Variants in GLIS3 observed in about 807,000 individuals in gnomAD.
GLIS3 encodes the protein GLIS family zinc finger 3.
Under a neutral mutation model 78.6 loss-of-function variants are expected in GLIS3, and 53 were observed. The observed-to-expected ratio is 0.67, with a 90% CI of 0.54 to 0.85. The LOEUF (loss-of-function observed/expected upper bound fraction) is 0.85. Ranked by LOEUF, GLIS3 falls within the 40% of genes least tolerant of loss-of-function variation. GLIS3 has a pLI of 0.00. For synonymous variants in GLIS3, 684 were observed against 509.9 expected (o/e 1.34, Z -4.60); for missense variants, 1,703 against 1,231.1 (o/e 1.38, Z -5.74).
intron 8 of GLIS3, among the ~76,000 whole-genome samples, chr9:3,874,804 G>GT (rs909358748): frequency 3.4e-4 from 52 of 152,136 alleles, no homozygotes; most frequent in Non-Finnish European, 5.0e-4. Flanking sequence ...AAAACACTTT[G>GT]TTTTTTTTCC....
chr9:4,161,036 G>T (rs1056925354), intron 2 of GLIS3, among the ~76,000 whole-genome samples: 3 of 148,098 alleles, frequency 2.0e-5, no homozygotes, highest in African/African-American at 5.0e-5. Flanking sequence ...TTCAAACCAG[G>T]AGTTCGAAAT....
At chr9:4,186,144 TC>T (rs1234573330) in intron 2 of GLIS3, among the ~76,000 whole-genome samples, 4 of 107,912 alleles carry the variant, frequency 3.7e-5, no homozygotes, top group Non-Finnish European at 7.5e-5. Context: ...ATGCTATCCC[TC>T]CCCCACCCCC....
chr9:4,464,810 GC>G, the GLIS3 span, among the ~76,000 whole-genome samples: 1 of 152,226 alleles, frequency 6.6e-6, no homozygotes, highest in South Asian at 2.1e-4. Context: ...AAGGTTGTAT[GC>G]AGAATATTGA....
rs114391633 is a variant in GLIS3 at position 4,272,217 on chromosome 9, C to A, written c.388+13821G>T. 2.0e-3 allele frequency among the ~76,000 whole-genome samples: 308 copies of A among 152,300 alleles called. 1 individual carries two copies. The highest frequency in any genetic ancestry group is 7.0e-3 in the African/African-American group (290 of 41,558). ...ATGGCACTTTTAACTCACATAGACA[C>A]AAACACCTGCAACAATTTAGTTGGC... On this transcript the variant is annotated intron_variant, in intron 2 of 10. Coordinates refer to ENST00000381971, the MANE Select transcript of GLIS3 (RefSeq NM_001042413.2).
chr9:4,152,699 C>T (rs963476735), intron 2 of GLIS3, among the ~76,000 whole-genome samples: 13 of 151,614 alleles, frequency 8.6e-5, no homozygotes, highest in Admixed American at 3.3e-4. Flanking sequence ...TTGTTATAAA[C>T]GAAAATTCAA....
chr9:4,164,266 A>G (rs1835715785), intron 2 of GLIS3, among the ~76,000 whole-genome samples: 1 of 152,208 alleles, frequency 6.6e-6, no homozygotes, highest in Non-Finnish European at 1.5e-5. Context: ...GGAAAATTAT[A>G]CAAACAGCCC....
chr9:4,323,703 C>T (rs1817567622), intron 2 of GLIS3, among the ~76,000 whole-genome samples: 1 of 152,174 alleles, frequency 6.6e-6, no homozygotes, highest in Admixed American at 6.5e-5. Flanking sequence ...ATAGCAGCCT[C>T]ACATCTGCAT....
chr9:4,132,096 G>T (rs923015748), intron 2 of GLIS3, among the ~76,000 whole-genome samples: 3 of 149,072 alleles, frequency 2.0e-5, no homozygotes, highest in South Asian at 2.1e-4. Flanking sequence ...CAGAAGAAAA[G>T]TTTCCTGAAA....
At chr9:4,268,233 A>C (rs1275355520) in intron 2 of GLIS3, among the ~76,000 whole-genome samples, 5 of 152,054 alleles carry the variant, frequency 3.3e-5, no homozygotes, top group Non-Finnish European at 7.4e-5. Flanking sequence ...TCATAATAAC[A>C]ACAACAACAA....
At chr9:4,235,429 T>C (rs1451477210) in intron 2 of GLIS3, among the ~76,000 whole-genome samples, 1 of 152,210 alleles carries the variant, frequency 6.6e-6, no homozygotes, top group African/African-American at 2.4e-5. Flanking sequence ...GCAACTTTTA[T>C]CAACTTTAAG....
chr9:4,286,833 C>T (rs867331598), intron 1 of GLIS3, among the ~76,000 whole-genome samples: 1 of 152,150 alleles, frequency 6.6e-6, no homozygotes, highest in African/African-American at 2.4e-5. Flanking sequence ...ATTTTGTTCC[C>T]TAGAGGATCT....
the GLIS3 span, among the ~76,000 whole-genome samples, chr9:4,442,589 T>C: frequency 2.0e-5 from 3 of 152,076 alleles, no homozygotes; most frequent in Non-Finnish European, 4.4e-5. Flanking sequence ...GCTTTTGTTT[T>C]ATAATTTCTT....
At chr9:4,376,448 G>A in the GLIS3 span, among the ~76,000 whole-genome samples, 6 of 137,328 alleles carry the variant, frequency 4.4e-5, no homozygotes, top group African/African-American at 1.5e-4. Context: ...AAGAGCAACA[G>A]AAGAAACCAC....
intron 2 of GLIS3, among the ~76,000 whole-genome samples, chr9:4,191,976 G>A (rs1818371845): frequency 6.6e-6 from 1 of 151,944 alleles, no homozygotes; most frequent in East Asian, 1.9e-4. Flanking sequence ...GATTTTTTTT[G>A]GAGGAGGTCT....
intron 2 of GLIS3, among the ~76,000 whole-genome samples, chr9:4,175,026 C>G (rs1816696569): frequency 1.3e-5 from 2 of 152,182 alleles, no homozygotes; most frequent in South Asian, 4.1e-4. Context: ...GCAGGCCCTC[C>G]TCAAGCACAT....
chr9:4,363,496 GCTT>G, the GLIS3 span, among the ~76,000 whole-genome samples: 1 of 152,128 alleles, frequency 6.6e-6, no homozygotes, highest in Admixed American at 6.5e-5. Flanking sequence ...AAATTAACTT[GCTT>G]TTTTAAAAAA....
chr9:4,196,126 G>A (rs1025409051), intron 2 of GLIS3, among the ~76,000 whole-genome samples: 2 of 151,998 alleles, frequency 1.3e-5, no homozygotes, highest in Non-Finnish European at 2.9e-5. Context: ...AGTGCTCTGT[G>A]TCTAGCTAAT....
chr9:4,441,259 T>G, the GLIS3 span, among the ~76,000 whole-genome samples: 2 of 152,236 alleles, frequency 1.3e-5, no homozygotes, highest in Admixed American at 1.3e-4. Flanking sequence ...TTTCAGCTTT[T>G]TCTTATTCAA....
the GLIS3 span, among the ~76,000 whole-genome samples, chr9:4,479,349 C>T: frequency 6.6e-6 from 1 of 152,200 alleles, no homozygotes; most frequent in East Asian, 1.9e-4. Context: ...TCCTTCATGT[C>T]CCTGCTTGCA....
Sources: gnomAD v4.1 joint callset for allele counts (sites outside exome capture counted in the v4.1 genomes callset) on GRCh38, gnomAD v4.1.1 for gene constraint, MANE v1.5 for transcripts, NCBI Gene and HGNC (gene_info 2026-07-23, HGNC 2026-07-21) for gene names.